WDFY1: variants seen among roughly 807,000 people sequenced by gnomAD.
WDFY1 encodes the protein WD repeat and FYVE domain-containing protein 1.
Under a neutral mutation model 56.4 loss-of-function variants are expected in WDFY1, and 32 were observed. That is an observed-to-expected ratio of 0.57 (90% CI 0.43 to 0.76). WDFY1 has a LOEUF of 0.76. WDFY1 is among the 30% of genes least tolerant of loss of function. WDFY1 has a pLI of 0.00. For synonymous variants in WDFY1, 192 were observed against 197.3 expected (o/e 0.97, Z 0.23); for missense variants, 480 against 545.7 (o/e 0.88, Z 1.20).
At chr2:223,909,691 T>TC (rs957470159) in intron 3 of WDFY1, among the ~76,000 whole-genome samples, 4 of 152,088 alleles carry the variant, frequency 2.6e-5, no homozygotes, top group Admixed American at 6.6e-5. Context: ...CTGGCTGTCA[T>TC]CTGACTTCTC....
Position 223,894,315 on chromosome 2 carries a change from G to C in WDFY1, c.750C>G (p.Tyr250Ter), listed in dbSNP as rs747932449. The change falls in exon 8 of 12, where the codon TAC becomes TAG. Residue 250 changes from tyrosine (Y) to a stop codon, truncating the protein, a stop_gained. Transcript: ENST00000233055. LOFTEE classifies it high-confidence loss of function. Reference protein sequence around the residue: ...GHHDKVQSLCYLQLTRQLVSC... With the variant: ...GHHDKVQSLC ...AGACGAGCTGCCTGGTGAGCTGAAG[G>C]TAGCACAGCGACTGCACCTTGTCAC... 6.2e-7 allele frequency: 1 copy of C among 1,614,172 alleles called. No individual in the cohort carries two copies. The highest frequency in any genetic ancestry group is 1.7e-5 in the Admixed American group (1 of 60,028).
chr2:223,944,410 CG>C (rs1441178371), intron 1 of WDFY1, among the ~76,000 whole-genome samples: 1 of 152,272 alleles, frequency 6.6e-6, no homozygotes, highest in African/African-American at 2.4e-5. Flanking sequence ...CACCGCAGGT[CG>C]GGGTTCCCTG....
chr2:223,881,580 A>G (rs1693073232), intron 10 of WDFY1, among the ~76,000 whole-genome samples: 1 of 152,212 alleles, frequency 6.6e-6, no homozygotes, highest in Non-Finnish European at 1.5e-5. Context: ...ACTTGAGGTC[A>G]GGAGTTCGAG....
chr2:223,897,038 C>T lies in WDFY1; in HGVS notation c.599-1408G>A, dbSNP rs537350444. ...GCTTTCCTGCCCAAAGCTATTTTAA[C>T]TTGCTGTTCTCTTTTCTTCTTTTCC... On this transcript the variant is annotated intron_variant, in intron 6 of 11. Coordinates refer to ENST00000233055, the MANE Select transcript of WDFY1 (RefSeq NM_020830.5). Among the ~76,000 whole-genome samples, 26 of 152,212 alleles carry T rather than the reference C, an allele frequency of 1.7e-4. No individual in the cohort carries two copies. The South Asian group carries it at 3.7e-3, about 22-fold the overall frequency.
At chr2:223,890,270 G>A (rs139267076) in intron 8 of WDFY1, among the ~76,000 whole-genome samples, 1,854 of 152,196 alleles carry the variant, frequency 0.012, 42 homozygotes, top group African/African-American at 0.042. Context: ...CCAGGAGTTC[G>A]AGACCAGCCT....
intron 1 of WDFY1, among the ~76,000 whole-genome samples, chr2:223,942,757 G>A (rs1240057660): frequency 7.4e-6 from 1 of 135,110 alleles, no homozygotes; most frequent in Non-Finnish European, 1.6e-5. Flanking sequence ...GGATGGTCTC[G>A]ATCTCCTGAC....
rs1055385461 is a variant in WDFY1 at position 223,899,203 on chromosome 2, A to G, written c.486-133T>C. 9 of 632,600 alleles carry G rather than the reference A, an allele frequency of 1.4e-5. No homozygotes were observed. In the Middle Eastern group the frequency reaches 1.1e-3, roughly 75 times the overall value. 39.2% of individuals were successfully genotyped at this position (632,600 alleles called of 1,614,324 possible). A position where few individuals can be genotyped will look rare whatever the true frequency, so the allele number is the denominator to read the frequency against. ...TTTTAAAGAGAATAAGCATACACGTAAAACTATAACAAGAAAGGAAACACC... is the reference window on the plus strand; with the variant it reads ...TTTTAAAGAGAATAAGCATACACGTGAAACTATAACAAGAAAGGAAACACC... On this transcript the variant is annotated intron_variant, in intron 5 of 11. Transcript: ENST00000233055.
intron 1 of WDFY1, among the ~76,000 whole-genome samples, chr2:223,920,940 A>G (rs1158713794): frequency 6.6e-6 from 1 of 152,246 alleles, no homozygotes; most frequent in African/African-American, 2.4e-5. Flanking sequence ...ACCTTCCCTC[A>G]GAAGTCTGTT....
At chr2:223,912,952 T>C (rs540094106) in intron 2 of WDFY1, among the ~76,000 whole-genome samples, 6 of 152,114 alleles carry the variant, frequency 3.9e-5, no homozygotes, top group African/African-American at 1.2e-4. Context: ...AATTGGAACA[T>C]TTGGAAAAAA....
At chr2:223,888,748 A>G (rs1326407093) in intron 8 of WDFY1, among the ~76,000 whole-genome samples, 1 of 150,048 alleles carries the variant, frequency 6.7e-6, no homozygotes, top group Admixed American at 6.6e-5. Flanking sequence ...CACCACACCC[A>G]GCTATTTTTT....
chr2:223,932,859 G>C (rs1327455946), intron 1 of WDFY1, among the ~76,000 whole-genome samples: 1 of 115,390 alleles, frequency 8.7e-6, no homozygotes, highest in Non-Finnish European at 1.8e-5. Flanking sequence ...GTACCTCCAG[G>C]GGATACAGGA....
rs764209166 is a variant in WDFY1 at position 223,882,073 on chromosome 2, C to CTTCA, written c.934-5_934-2dup. 8 of 1,612,496 alleles carry CTTCA rather than the reference C, an allele frequency of 5.0e-6. No individual in the cohort carries two copies. In the South Asian group the frequency reaches 8.8e-5, roughly 18 times the overall value. ...CCTGCCCGCATTTCCTGCAGTGATG[C>CTTCA]TTCACAGGTGACCGGGAGGAGGAAA... is the stretch of plus-strand genomic sequence containing the variant. On this transcript the variant is annotated splice_acceptor_variant, in intron 9 of 11. Transcript: ENST00000233055. LOFTEE classifies it high-confidence loss of function.
At position 223,940,215 on chromosome 2, in the gene WDFY1, A is replaced by T. The variant is rs182052688; in HGVS notation, c.137+4933T>A. Among the ~76,000 whole-genome samples, 329 of 152,292 alleles carry T rather than the reference A, an allele frequency of 2.2e-3. 2 individuals carry two copies. The highest frequency in any genetic ancestry group is 7.6e-3 in the African/African-American group (314 of 41,566). On this transcript the variant is annotated intron_variant, in intron 1 of 11. Coordinates refer to ENST00000233055, the MANE Select transcript of WDFY1 (RefSeq NM_020830.5). ...GTGCCTGTAATCCCAGCTACTCGGG[A>T]GGCTGAAGCAGGAGAATCGCTTGAA...
intron 2 of WDFY1, 23 bp from the exon 3 acceptor site, chr2:223,912,349 A>G (rs766200370): frequency 5.0e-6 from 8 of 1,586,708 alleles, no homozygotes; most frequent in Non-Finnish European, 6.0e-6. Flanking sequence ...CAAAGACCAC[A>G]TTACCAGCAA....
intron 11 of WDFY1, 31 bp downstream of exon 11, chr2:223,880,093 T>C (rs748254376): frequency 8.2e-6 from 13 of 1,581,892 alleles, no homozygotes; most frequent in Non-Finnish European, 1.1e-5. Context: ...CAATCTCAAC[T>C]GAGATGCTGA....
At chr2:223,897,351 CATATATATATATATATATATAT>C (rs1194128689) in intron 6 of WDFY1, among the ~76,000 whole-genome samples, 11 of 53,680 alleles carry the variant, frequency 2.0e-4, no homozygotes, top group African/African-American at 6.8e-4. Flanking sequence ...CTAAATTTCG[CATATATATATATATATATATAT>C]ATATATATAT....
intron 1 of WDFY1, among the ~76,000 whole-genome samples, chr2:223,942,527 C>CTATTTTTTTTTT (rs1689325588): frequency 1.3e-5 from 1 of 74,220 alleles, no homozygotes; most frequent in African/African-American, 6.2e-5. Flanking sequence ...CAAAGGCTAA[C>CTATTTTTTTTTT]TTTTTTTTTT....
rs759077267 is a variant in WDFY1, at chr2:223,945,176, C to A, written c.109G>T (p.Asp37Tyr). ...VTAALLIPKEDGVITASEDRT... is the reference protein window; with the variant it reads ...VTAALLIPKEYGVITASEDRT... ...TCCTCGCTGGCCGTGATCACGCCGT[C>A]CTCCTTGGGGATGAGCAGCGCGGCC... Residue 37 changes from aspartate to tyrosine, a missense_variant, in exon 1 of 12, where the codon GAC (aspartate) becomes TAC (tyrosine). Coordinates refer to ENST00000233055, the MANE Select transcript of WDFY1 (RefSeq NM_020830.5). 3 of 1,597,972 alleles carry A rather than the reference C, an allele frequency of 1.9e-6. No homozygotes were observed. Among genetic ancestry groups the A allele is most frequent in the South Asian group, 2.2e-5 (2 of 89,974 alleles).
At chr2:223,931,293 T>C (rs948755331) in intron 1 of WDFY1, among the ~76,000 whole-genome samples, 11 of 152,194 alleles carry the variant, frequency 7.2e-5, no homozygotes, top group African/African-American at 2.7e-4. Context: ...TATCATATAG[T>C]AATGTTTGTT....
Sources: gnomAD v4.1 joint callset for allele counts (sites outside exome capture counted in the v4.1 genomes callset) on GRCh38, gnomAD v4.1.1 for gene constraint, MANE v1.5 for transcripts, NCBI Gene and HGNC (gene_info 2026-07-23, HGNC 2026-07-21) for gene names.